EXOSC10: variants seen among roughly 807,000 people sequenced by gnomAD.
EXOSC10 encodes the protein exosome component 10.
A neutral mutation model predicts 126.6 loss-of-function variants in EXOSC10; 94 were observed. That is an observed-to-expected ratio of 0.74 (90% CI 0.63 to 0.88). The LOEUF is 0.88. EXOSC10 is among the 40% of genes least tolerant of loss of function. The pLI is 0.00. For synonymous variants in EXOSC10, 395 were observed against 400.8 expected (o/e 0.99, Z 0.17); for missense variants, 1,041 against 1,100.5 (o/e 0.95, Z 0.77).
chr1:11,083,776 C>G (rs553018717), intron 9 of EXOSC10, among the ~76,000 whole-genome samples: 152 of 152,266 alleles, frequency 1.0e-3, no homozygotes, highest in African/African-American at 3.2e-3. Flanking sequence ...ATCCCTCCCC[C>G]CTTTCCCCAC....
chr1:11,095,999 T>G, intron 2 of EXOSC10, 118 bp from the exon 3 acceptor site: 1 of 1,243,988 alleles, frequency 8.0e-7, no homozygotes, highest in Non-Finnish European at 1.1e-6. Context: ...TTTTTTTTTT[T>G]TTTTGAGACA....
At chr1:11,066,784 G>C (rs200192033) in intron 24 of EXOSC10, 36 bp from the exon 25 acceptor site, 59 of 1,611,958 alleles carry the variant, frequency 3.7e-5, no homozygotes, top group Non-Finnish European at 4.5e-5. Flanking sequence ...TATTTCTTCC[G>C]GGCTGGTTGG....
chr1:11,084,296 CCT>C lies in EXOSC10; in HGVS notation c.1090-1420_1090-1419del. Among the ~76,000 whole-genome samples the C allele has an allele frequency of 5.3e-5, 8 of 152,288 alleles. 3 individuals are homozygous for C. The highest frequency in any genetic ancestry group is 5.2e-4 in the Admixed American group (8 of 15,298). Reference sequence around the variant, plus strand: ...ACATCTTCTCCAGCACCTGTTGTTTCCTGACTTTTTAATGATTGCCATTCTAA... The same window carrying C: ...ACATCTTCTCCAGCACCTGTTGTTTCGACTTTTTAATGATTGCCATTCTAA... On this transcript the variant is annotated intron_variant, in intron 9 of 24. Coordinates refer to ENST00000376936, the MANE Select transcript of EXOSC10 (RefSeq NM_001001998.3).
At chr1:11,081,763 G>A (rs1424315549) in intron 10 of EXOSC10, among the ~76,000 whole-genome samples, 1 of 152,208 alleles carries the variant, frequency 6.6e-6, no homozygotes, top group African/African-American at 2.4e-5. Context: ...CAGTCCAAAT[G>A]TAATTTTACT....
At chr1:11,097,464 C>A in intron 2 of EXOSC10, among the ~76,000 whole-genome samples, 1 of 152,076 alleles carries the variant, frequency 6.6e-6, no homozygotes, top group East Asian at 1.9e-4. Flanking sequence ...CGGTGGCTCA[C>A]GCCTGTAATC....
In EXOSC10 at chr1:11,090,631, A is replaced by G; in HGVS notation, c.681T>C (p.Arg227=). The part of the protein sequence containing the change: ...SKERRERPQD[R]PEDLDVPPAL... Reference sequence around the variant, plus strand: ...CAGGGGGGACGTCCAAGTCCTCAGGACGATCCTGTGGGCGTTCCCGCCTTT... The same window carrying G: ...CAGGGGGGACGTCCAAGTCCTCAGGGCGATCCTGTGGGCGTTCCCGCCTTT... The change falls in exon 6 of 25, where the codon CGT becomes CGC. Residue 227 remains arginine, a synonymous_variant. Coordinates refer to ENST00000376936, the MANE Select transcript of EXOSC10 (RefSeq NM_001001998.3). 1 of 1,613,632 alleles carries G rather than the reference A, an allele frequency of 6.2e-7. No individual in the cohort carries two copies. The highest frequency in any genetic ancestry group is 1.7e-5 in the Admixed American group (1 of 59,880).
intron 17 of EXOSC10, among the ~76,000 whole-genome samples, chr1:11,074,642 A>G (rs1412197012): frequency 6.6e-6 from 1 of 152,048 alleles, no homozygotes; most frequent in Admixed American, 6.6e-5. Context: ...TGAACTCCTG[A>G]CCTCAAGTGG....
Position 11,074,218 on chromosome 1 carries a change from AACT to A in EXOSC10, c.2082+10_2082+12del, listed in dbSNP as rs761913164. On this transcript the variant is annotated intron_variant, in intron 18 of 24. Transcript: ENST00000376936. ...CTGCATATCCTGTCAGCCCTGACAA[AACT>A]ACTACTCACCATCCTAAATGGATTT... 1.2e-6 allele frequency: 2 copies of A among 1,606,284 alleles called. No homozygotes were observed. Among genetic ancestry groups the A allele is most frequent in the South Asian group, 2.2e-5 (2 of 90,934 alleles).
At chr1:11,075,091 G>A (rs1639734964) in intron 17 of EXOSC10, among the ~76,000 whole-genome samples, 2 of 152,052 alleles carry the variant, frequency 1.3e-5, no homozygotes, top group South Asian at 4.2e-4. Flanking sequence ...GGAGTGCAGT[G>A]GTGCCATCTC....
chr1:11,077,260 G>C (rs1639869750), intron 16 of EXOSC10, 105 bp downstream of exon 16: 1 of 1,165,272 alleles, frequency 8.6e-7, no homozygotes, highest in South Asian at 1.4e-5. Context: ...CAATATGCTG[G>C]CATTACAGGC....
rs541731671 is a variant in EXOSC10 at position 11,092,426 on chromosome 1, G to C, written c.373-829C>G. Among the ~76,000 whole-genome samples, 150 of 151,508 alleles carry C rather than the reference G, an allele frequency of 9.9e-4. 1 individual carries two copies. The highest frequency in any genetic ancestry group is 4.8e-3 in the South Asian group (23 of 4,806). ...GACAGGGTTTCACCAGGTTGGCCAG[G>C]ATGGTCTCGATCTCTTGACCTTGTG... On this transcript the variant is annotated intron_variant, in intron 3 of 24. Coordinates refer to ENST00000376936, the MANE Select transcript of EXOSC10 (RefSeq NM_001001998.3).
chr1:11,096,778 C>A (rs1163509543), intron 2 of EXOSC10, among the ~76,000 whole-genome samples: 2 of 152,082 alleles, frequency 1.3e-5, no homozygotes, highest in East Asian at 3.9e-4. Flanking sequence ...CATGTCTGGC[C>A]CCTGATACTT....
intron 19 of EXOSC10, among the ~76,000 whole-genome samples, chr1:11,073,709 G>A (rs917879126): frequency 6.6e-6 from 1 of 151,584 alleles, no homozygotes; most frequent in Non-Finnish European, 1.5e-5. Flanking sequence ...GGTCAACATG[G>A]TGAAACCCCA....
chr1:11,087,552 T>C lies in EXOSC10; in HGVS notation c.985A>G (p.Met329Val). ...YRSFLGLTCL[M>V]QISTRTEDFI... Reference sequence around the variant, plus strand: ...TCTTCCGTCCGAGTAGAAATTTGCATCAGGCAGGTCAGTCCCAGGAAGCTC... The same window carrying C: ...TCTTCCGTCCGAGTAGAAATTTGCACCAGGCAGGTCAGTCCCAGGAAGCTC... Residue 329 changes from methionine (M) to valine (V), a missense_variant, in exon 9 of 25, where the codon ATG becomes GTG. Physicochemically the swap from Met to Val is conservative, Grantham distance 21. This residue lies in a region of EXOSC10 where 645 missense variants were observed against 656.3 expected (regional missense o/e 0.98). Coordinates refer to ENST00000376936, the MANE Select transcript of EXOSC10 (RefSeq NM_001001998.3). 1 of 1,614,004 alleles carries C rather than the reference T, an allele frequency of 6.2e-7. No homozygotes were observed. The highest frequency in any genetic ancestry group is 8.5e-7 in the Non-Finnish European group (1 of 1,180,012).
chr1:11,099,597 CA>C (rs1641316372), intron 1 of EXOSC10, 123 bp downstream of exon 1: 7 of 1,073,676 alleles, frequency 6.5e-6, no homozygotes, highest in Non-Finnish European at 7.8e-6. Flanking sequence ...CCAGCGCGGA[CA>C]GGGGCCCCGC....
At chr1:11,085,334 G>C (rs1382359282) in intron 9 of EXOSC10, among the ~76,000 whole-genome samples, 2 of 152,108 alleles carry the variant, frequency 1.3e-5, no homozygotes, top group Non-Finnish European at 2.9e-5. Context: ...TCCTTGAAGA[G>C]GTCCTTCACG....
chr1:11,077,280 C>G (rs1214910029), intron 16 of EXOSC10, 85 bp downstream of exon 16: 2 of 1,413,638 alleles, frequency 1.4e-6, no homozygotes, highest in Admixed American at 1.9e-5. Flanking sequence ...CATAAGCCAC[C>G]ACGCCCGGCC....
chr1:11,086,891 A>C (rs1260508183), intron 9 of EXOSC10, among the ~76,000 whole-genome samples: 1 of 152,230 alleles, frequency 6.6e-6, no homozygotes, highest in Non-Finnish European at 1.5e-5. Context: ...CTGACACCCT[A>C]ACATCACAAT....
intron 9 of EXOSC10, among the ~76,000 whole-genome samples, chr1:11,083,844 T>C (rs999784683): frequency 6.6e-6 from 1 of 152,126 alleles, no homozygotes; most frequent in Non-Finnish European, 1.5e-5. Context: ...GTTCTCATTG[T>C]TCAATTCCCA....
Sources: allele counts gnomAD v4.1 joint callset (sites outside exome capture counted in the v4.1 genomes callset), GRCh38; gene constraint gnomAD v4.1.1; regional missense constraint gnomAD v4.1.1; transcripts MANE v1.5; gene names NCBI Gene and HGNC (gene_info 2026-07-23, HGNC 2026-07-21).